The following AFF2 variants were observed in gnomAD, a reference collection of about 807,000 sequenced individuals.
AFF2 encodes the protein ALF transcription elongation factor 2, also known as AF4/FMR2 family member 2.
AFF2 carries 14 observed loss-of-function variants against 76.9 expected under a neutral mutation model. The observed-to-expected ratio is 0.18, with a 90% CI of 0.12 to 0.28. The LOEUF is 0.28. Ranked by LOEUF, AFF2 falls within the 10% of genes least tolerant of loss-of-function variation. The probability of loss-of-function intolerance (pLI) is 1.00; values close to 1 mark genes in which losing one functional copy is unlikely to be tolerated. For missense variants in AFF2, 868 were observed against 1,001.1 expected (o/e 0.87, Z 1.79); for synonymous variants, 398 against 366.7 (o/e 1.09, Z -0.98).
At chrX:148,776,760 T>C (rs1452429991) in intron 3 of AFF2, among the ~76,000 whole-genome samples, 1 of 111,861 alleles carries the variant, frequency 8.9e-6, no homozygotes, top group Non-Finnish European at 1.9e-5. Flanking sequence ...TATTAGCCCT[T>C]TGTCAGATGG....
chrX:148,891,794 C>A (rs1237474831), intron 8 of AFF2, among the ~76,000 whole-genome samples: 1 of 111,608 alleles, frequency 9.0e-6, no homozygotes, highest in Non-Finnish European at 1.9e-5. Context: ...GCATTAGAAG[C>A]AGCAGACTTT....
At chrX:148,912,153 G>A (rs1272434233) in intron 9 of AFF2, among the ~76,000 whole-genome samples, 3 of 112,333 alleles carry the variant, frequency 2.7e-5, no homozygotes, top group Non-Finnish European at 3.8e-5. Flanking sequence ...ACCAAATACT[G>A]CATTATTTTT....
At chrX:148,808,515 G>A (rs115370169) in intron 3 of AFF2, among the ~76,000 whole-genome samples, 1,804 of 111,869 alleles carry the variant, frequency 0.016, 49 homozygotes, top group African/African-American at 0.055. Context: ...TATTGTTATC[G>A]GAAGGATGAC....
intron 18 of AFF2, among the ~76,000 whole-genome samples, chrX:148,979,183 A>AT (rs1411608983): frequency 3.6e-5 from 4 of 111,238 alleles, no homozygotes; most frequent in Non-Finnish European, 5.7e-5. Flanking sequence ...AAAGGACATG[A>AT]TTTTTTTTCT....
chrX:148,615,587 C>T (rs1176228756), intron 1 of AFF2, among the ~76,000 whole-genome samples: 1 of 111,766 alleles, frequency 8.9e-6, no homozygotes, highest in African/African-American at 3.2e-5. Context: ...TTATTCTACT[C>T]ATGAGAAGGC....
At chrX:148,718,921 T>G (rs1324712097) in intron 3 of AFF2, among the ~76,000 whole-genome samples, 2 of 111,872 alleles carry the variant, frequency 1.8e-5, no homozygotes, top group African/African-American at 6.5e-5. Flanking sequence ...CGATTTACCA[T>G]GCACACTGTT....
chrX:148,773,631 AAGG>A (rs2069617755), intron 3 of AFF2, among the ~76,000 whole-genome samples: 1 of 103,319 alleles, frequency 9.7e-6, no homozygotes, highest in Non-Finnish European at 2.0e-5. Context: ...GGAAGGAAGG[AAGG>A]AAGGAAAGGA....
intron 3 of AFF2, among the ~76,000 whole-genome samples, chrX:148,691,561 G>C (rs2054651525): frequency 9.0e-6 from 1 of 111,261 alleles, no homozygotes; most frequent in Non-Finnish European, 1.9e-5. Context: ...TGTGAGTGAG[G>C]AGCCAAATCA....
At chrX:148,726,697 G>GGC (rs2055160751) in intron 3 of AFF2, among the ~76,000 whole-genome samples, 1 of 112,089 alleles carries the variant, frequency 8.9e-6, no homozygotes, top group African/African-American at 3.2e-5. Flanking sequence ...AAAGGTCTGT[G>GGC]TTAAAAAGCC....
intron 1 of AFF2, among the ~76,000 whole-genome samples, chrX:148,641,164 A>G (rs1275023856): frequency 9.0e-6 from 1 of 111,633 alleles, no homozygotes; most frequent in East Asian, 2.8e-4. Context: ...ACCTGGCATG[A>G]CATAGATATC....
Position 148,966,786 on chromosome X carries a change from C to T in AFF2, c.2914-4C>T, listed in dbSNP as rs2072180896. On this transcript the variant is annotated splice_region_variant and splice_polypyrimidine_tract_variant and intron_variant, in intron 13 of 20. Transcript: ENST00000370460. ...TGGAAACTATTTGTCCTCCTTTTTC[C>T]CAGGAGGGAGACACTCCAAAAAAGG... 1 of 1,207,441 alleles carries T rather than the reference C, an allele frequency of 8.3e-7. No individual in the cohort carries two copies. Among genetic ancestry groups the T allele is most frequent in the Non-Finnish European group, 1.1e-6 (1 of 893,266 alleles).
At chrX:148,701,143 A>G (rs782361780) in intron 3 of AFF2, among the ~76,000 whole-genome samples, 1 of 110,360 alleles carries the variant, frequency 9.1e-6, no homozygotes, top group East Asian at 2.9e-4. Flanking sequence ...TAATTCTGGC[A>G]GGAACAATTA....
intron 1 of AFF2, among the ~76,000 whole-genome samples, chrX:148,608,822 G>A (rs1326224343): frequency 9.0e-6 from 1 of 111,629 alleles, no homozygotes; most frequent in Non-Finnish European, 1.9e-5. Context: ...TTCTAATGGC[G>A]TATATGTGTA....
chrX:148,977,789 T>C, intron 16 of AFF2, 144 bp from the exon 17 acceptor site: 1 of 480,785 alleles, frequency 2.1e-6, no homozygotes, highest in Non-Finnish European at 3.7e-6. Context: ...CGGGGAAGCA[T>C]GCTTTTGCCC....
intron 3 of AFF2, among the ~76,000 whole-genome samples, chrX:148,681,288 A>T (rs1467676438): frequency 1.8e-5 from 2 of 111,770 alleles, no homozygotes; most frequent in African/African-American, 6.5e-5. Context: ...GGGGCTGCTT[A>T]TGTTTTATTG....
intron 9 of AFF2, among the ~76,000 whole-genome samples, chrX:148,924,239 G>C (rs1170197164): frequency 4.5e-5 from 5 of 111,722 alleles, no homozygotes; most frequent in Non-Finnish European, 9.4e-5. Context: ...TTTTCTTCAG[G>C]GACAGAATTA....
At chrX:148,536,703 T>G (rs781798280) in intron 1 of AFF2, among the ~76,000 whole-genome samples, 2 of 112,297 alleles carry the variant, frequency 1.8e-5, no homozygotes, top group Admixed American at 1.9e-4. Flanking sequence ...CTAAGTCCGG[T>G]AAGGTTATTT....
At position 148,512,617 on chromosome X, in the gene AFF2, T is replaced by C. The variant is rs782086461; in HGVS notation, c.47+11473T>C. 3.6e-5 allele frequency among the ~76,000 whole-genome samples: 4 copies of C among 112,654 alleles called. No homozygotes were observed. The East Asian group carries it at 1.1e-3, about 31-fold the overall frequency. On this transcript the variant is annotated intron_variant, in intron 1 of 20. Coordinates refer to ENST00000370460, the MANE Select transcript of AFF2 (RefSeq NM_002025.4). ...ATTAATTTATAAGGATATTGGTCAA[T>C]GATTTTACCCAACAGCTACGCATAG... is the stretch of plus-strand genomic sequence containing the variant.
chrX:148,947,465 C>A (rs189630861), intron 9 of AFF2, among the ~76,000 whole-genome samples: 3 of 111,942 alleles, frequency 2.7e-5, no homozygotes, highest in African/African-American at 9.7e-5. Context: ...CTGTTTTTAT[C>A]GGTTTTATAT....
Sources: gnomAD v4.1 joint callset for allele counts (sites outside exome capture counted in the v4.1 genomes callset) on GRCh38, gnomAD v4.1.1 for gene constraint, MANE v1.5 for transcripts, NCBI Gene and HGNC (gene_info 2026-07-23, HGNC 2026-07-21) for gene names.